The following TAF4B variants were observed in gnomAD, a reference collection of about 807,000 sequenced individuals.
TAF4B encodes TATA-box binding protein associated factor 4b.
In TAF4B, 38 loss-of-function variants were observed where a neutral mutation model predicts 86.4. The observed-to-expected ratio is 0.44, with a 90% confidence interval of 0.34 to 0.58. The LOEUF (loss-of-function observed/expected upper bound fraction) is 0.58, where lower values mean the gene tolerates loss of function less well. Among genes scored for constraint, TAF4B ranks in the 20% least tolerant of loss-of-function variants. The pLI is 0.02. For missense variants in TAF4B, 988 were observed against 1,027.6 expected, an observed-to-expected ratio of 0.96 and a Z score of 0.53; for synonymous variants, 388 against 391.2, an observed-to-expected ratio of 0.99 and a Z score of 0.10.
intron 13 of TAF4B, among the ~76,000 whole-genome samples, chr18:26,339,320 G>T (rs2057118158): frequency 6.6e-6 from 1 of 152,068 alleles, no homozygotes; most frequent in South Asian, 2.1e-4. Context: ...TTTTGTTTTA[G>T]TTGGTTTTTT....
intron 1 of TAF4B, 111 bp from the exon 2 acceptor site, chr18:26,265,059 G>T (rs1442634171): frequency 9.3e-7 from 1 of 1,070,426 alleles, no homozygotes; most frequent in Admixed American, 2.4e-5. Context: ...AATTCAGTAT[G>T]TATTGAAGAC....
chr18:26,377,047 G>A (rs766897120), intron 14 of TAF4B, among the ~76,000 whole-genome samples: 63 of 152,028 alleles, frequency 4.1e-4, no homozygotes, highest in Middle Eastern at 6.8e-3. Flanking sequence ...TTGGTGTATA[G>A]CACTTTTTAT....
In TAF4B at chr18:26,226,682, A is replaced by C; in HGVS notation, c.-252A>C. ...GCGCACGTGTGAGCGCCGCTGAGGAAGCTGCGAGAGGTCGGGCGGGTGTCG... is the reference window on the plus strand; with the variant it reads ...GCGCACGTGTGAGCGCCGCTGAGGACGCTGCGAGAGGTCGGGCGGGTGTCG... On this transcript the variant is annotated 5_prime_UTR_variant, in exon 1 of 15. Transcript: ENST00000269142. 2.2e-5 allele frequency: 8 copies of C among 360,460 alleles called. No homozygotes were observed. Among genetic ancestry groups the C allele is most frequent in the East Asian group, 4.2e-5 (1 of 23,610 alleles). The allele number at this position is 360,460 out of a possible 1,614,324, so 22.3% of individuals were successfully genotyped here.
rs1330837026 is a variant in TAF4B at position 26,335,092 on chromosome 18, A to G, written c.2260-83A>G. ...CTAAGATATTCAATCACAAGAGAAAATTGTCATTTATTAAATATTTAATGG... is the reference window on the plus strand; with the variant it reads ...CTAAGATATTCAATCACAAGAGAAAGTTGTCATTTATTAAATATTTAATGG... On this transcript the variant is annotated intron_variant, in intron 12 of 14. Transcript: ENST00000269142. 4.0e-6 allele frequency: 4 copies of G among 1,000,912 alleles called. No individual in the cohort carries two copies. In the African/African-American group the frequency reaches 6.5e-5, roughly 16 times the overall value. 62.0% of individuals were successfully genotyped at this position (1,000,912 alleles called of 1,614,324 possible).
At chr18:26,349,022 A>G (rs904519699) in intron 13 of TAF4B, 12 of 152,218 alleles carry the variant, frequency 7.9e-5, no homozygotes, top group African/African-American at 1.7e-4. Flanking sequence ...ATGTCTTTGA[A>G]TTAACCAAAT....
chr18:26,267,687 A>G lies in TAF4B; in HGVS notation c.597+64A>G, dbSNP rs976421026. 7.1e-6 allele frequency: 8 copies of G among 1,124,814 alleles called. No individual in the cohort carries two copies. The African/African-American group carries it at 1.1e-4, about 15-fold the overall frequency. 69.7% of individuals were successfully genotyped at this position (1,124,814 alleles called of 1,614,324 possible). A position where few individuals can be genotyped will look rare whatever the true frequency, so the allele number is the denominator to read the frequency against. ...TAACTTTTAAAAAAATCATTTAGCT[A>G]TCTCCTGTTAGATATGTAAGTTACT... is the stretch of plus-strand genomic sequence containing the variant. On this transcript the variant is annotated intron_variant, in intron 3 of 14. Transcript: ENST00000269142.
At chr18:26,305,931 G>T (rs1387903945) in intron 9 of TAF4B, among the ~76,000 whole-genome samples, 1 of 152,094 alleles carries the variant, frequency 6.6e-6, no homozygotes, top group African/African-American at 2.4e-5. Context: ...TTCTTTTTAC[G>T]ATATAGAAGA....
intron 9 of TAF4B, 107 bp from the exon 10 acceptor site, chr18:26,315,122 C>CTCTCTCTG (rs1568147801): frequency 4.0e-5 from 12 of 302,542 alleles, no homozygotes; most frequent in African/African-American, 3.6e-4. Context: ...CTCTCTCTCT[C>CTCTCTCTG]TCTCTCTCTC....
chr18:26,303,984 C>T (rs1474013879), intron 9 of TAF4B, among the ~76,000 whole-genome samples: 2 of 152,018 alleles, frequency 1.3e-5, no homozygotes, highest in Middle Eastern at 3.4e-3. Flanking sequence ...TCCTAGATAT[C>T]TTTCTTGTTG....
intron 1 of TAF4B, among the ~76,000 whole-genome samples, chr18:26,228,093 T>A (rs2055607007): frequency 6.6e-6 from 1 of 152,234 alleles, no homozygotes; most frequent in Admixed American, 6.5e-5. Context: ...ATCCTAGGGC[T>A]TTTTACTCTA....
chr18:26,346,537 C>T (rs1309576198), intron 13 of TAF4B, among the ~76,000 whole-genome samples: 1 of 151,436 alleles, frequency 6.6e-6, no homozygotes, highest in Non-Finnish European at 1.5e-5. Context: ...CCAAACAAGT[C>T]CTCTCCTAGG....
rs200083564 is a variant in TAF4B, at chr18:26,267,611, T to G, written c.585T>G (p.Pro195=). The stretch of plus-strand genomic sequence containing the variant: ...CTGTGGTAACCACTGTTCCGAAGCC[T>G]TCCTCAGTACAAGTAAGTTGTGCTG... ...GTTVVTTVPK[P]SSVQSVAVPT... is the part of the protein sequence containing the mutation. Residue 195 remains proline (P), a synonymous_variant, in exon 3 of 15, where the codon CCT becomes CCG. Coordinates refer to ENST00000269142, the MANE Select transcript of TAF4B (RefSeq NM_005640.3). The G allele has an allele frequency of 1.8e-4, 298 of 1,613,344 alleles. 1 individual carries two copies. In the East Asian group the frequency reaches 6.4e-3, roughly 35 times the overall value.
intron 12 of TAF4B, among the ~76,000 whole-genome samples, chr18:26,327,345 T>G (rs565459446): frequency 6.6e-6 from 1 of 152,332 alleles, no homozygotes; most frequent in Non-Finnish European, 1.5e-5. Context: ...TAATCTTTTG[T>G]CTTCTCACAT....
Position 26,353,886 on chromosome 18 carries a change from A to G in TAF4B, c.2317-3804A>G, listed in dbSNP as rs560993942. Among the ~76,000 whole-genome samples the G allele has an allele frequency of 2.0e-4, 30 of 152,240 alleles. 1 individual carries two copies. In the South Asian group the frequency reaches 5.8e-3, roughly 30 times the overall value. On this transcript the variant is annotated intron_variant, in intron 13 of 14. Transcript: ENST00000269142. Reference sequence around the variant, plus strand: ...AATTTGCCAATTTTTTCTCTTATAGATATGCATTAGGTGTCATGTTCAAGG... The same window carrying G: ...AATTTGCCAATTTTTTCTCTTATAGGTATGCATTAGGTGTCATGTTCAAGG...
chr18:26,283,241 G>T (rs572429310), intron 6 of TAF4B, among the ~76,000 whole-genome samples: 10 of 152,126 alleles, frequency 6.6e-5, no homozygotes, highest in Admixed American at 6.5e-5. Flanking sequence ...TATGGCAGCC[G>T]TAGTCTTACA....
In TAF4B at chr18:26,293,517, A is replaced by G; in HGVS notation, c.1818A>G (p.Val606=). The G allele has an allele frequency of 6.4e-7, 1 of 1,561,720 alleles. No homozygotes were observed. Among genetic ancestry groups the G allele is most frequent in the Non-Finnish European group, 8.6e-7 (1 of 1,162,534 alleles). The part of the protein sequence containing the change: ...PTQKNRIKEN[V]TSCFRDEDDI... The stretch of plus-strand genomic sequence containing the variant: ...AGAAAAATAGAATAAAAGAGAATGT[A>G]ACATCATGCTTCCGGTAAGAAAATA... Residue 606 remains valine, a synonymous_variant, in exon 9 of 15, where the codon GTA becomes GTG. Transcript: ENST00000269142.
chr18:26,326,927 C>T (rs2057009148), intron 11 of TAF4B, 88 bp from the exon 12 acceptor site: 2 of 1,381,874 alleles, frequency 1.4e-6, no homozygotes, highest in South Asian at 1.8e-5. Flanking sequence ...TGTTGGTATT[C>T]CTGCCTTTAG....
At chr18:26,256,212 G>A (rs2144512471) in intron 1 of TAF4B, 1 of 1,606,502 alleles carries the variant, frequency 6.2e-7, no homozygotes, top group South Asian at 1.1e-5. Context: ...GATGTCTCCT[G>A]AAGGAGTCTC....
Position 26,389,893 on chromosome 18 carries a change from A to G in TAF4B, c.2470A>G (p.Thr824Ala). 2 of 1,614,136 alleles carry G rather than the reference A, an allele frequency of 1.2e-6. No individual in the cohort carries two copies. Among genetic ancestry groups the G allele is most frequent in the Non-Finnish European group, 1.7e-6 (2 of 1,179,974 alleles). ...TTCTGGGACATCCAGCCTGACAGCC[A>G]CCAAACAGTTGCATCGTCCAAGAAT... is the stretch of plus-strand genomic sequence containing the variant. Reference protein sequence around the residue: ...LASGTSSLTATKQLHRPRITR... With the variant: ...LASGTSSLTAAKQLHRPRITR... Residue 824 changes from threonine (T) to alanine (A), a missense_variant, in exon 15 of 15, where the codon ACC becomes GCC. Physicochemically the swap from Thr to Ala is moderately conservative, Grantham distance 58 (BLOSUM62 0). Coordinates refer to ENST00000269142, the MANE Select transcript of TAF4B (RefSeq NM_005640.3).
Sources: allele counts gnomAD v4.1 joint callset (sites outside exome capture counted in the v4.1 genomes callset), GRCh38; gene constraint gnomAD v4.1.1; transcripts MANE v1.5; gene names NCBI Gene and HGNC (gene_info 2026-07-23, HGNC 2026-07-21).